Variants in KCNK10 observed in about 807,000 individuals in gnomAD.
The protein encoded by KCNK10 is potassium channel subfamily K member 10.
In KCNK10, 25 loss-of-function variants were observed where a neutral mutation model predicts 47.7. The ratio of observed to expected loss-of-function variants is 0.52; its 90% confidence interval spans 0.38 to 0.73. KCNK10 has a LOEUF of 0.73. KCNK10 is among the 30% of genes least tolerant of loss of function. The pLI, the probability that KCNK10 is intolerant of heterozygous loss-of-function variation, is 0.00. For missense variants in KCNK10, 563 were observed against 714.5 expected (o/e 0.79, Z 2.42); for synonymous variants, 303 against 285.6 (o/e 1.06, Z -0.61).
chr14:88,187,484 G>A (rs889904894), intron 6 of KCNK10, among the ~76,000 whole-genome samples: 1 of 152,096 alleles, frequency 6.6e-6, no homozygotes, highest in Non-Finnish European at 1.5e-5. Flanking sequence ...ACCAAGAGGG[G>A]ATAAGTGAAA....
chr14:88,249,518 C>G (rs72687879), intron 2 of KCNK10, among the ~76,000 whole-genome samples: 3,164 of 152,300 alleles, frequency 0.021, 49 homozygotes, highest in Middle Eastern at 0.051. Flanking sequence ...GACCTGAGTG[C>G]TTCCTTGTCT....
rs535747437 is a variant in KCNK10 at position 88,248,645 on chromosome 14, T to A, written c.403-7825A>T. ...TCGGGAGGTTCAGGTGGGAGGATCG[T>A]TGGAGCCCAGGAAGCAGAGGCTGCA... is the stretch of plus-strand genomic sequence containing the variant. On this transcript the variant is annotated intron_variant, in intron 2 of 6. Coordinates refer to ENST00000319231, the MANE Select transcript of KCNK10 (RefSeq NM_138317.3). Among the ~76,000 whole-genome samples the A allele has an allele frequency of 5.9e-5, 9 of 152,106 alleles. No individual in the cohort carries two copies. In the East Asian group the frequency reaches 1.7e-3, roughly 29 times the overall value.
intron 1 of KCNK10, among the ~76,000 whole-genome samples, chr14:88,315,489 G>T (rs1441338755): frequency 1.3e-5 from 2 of 152,100 alleles, no homozygotes; most frequent in Non-Finnish European, 2.9e-5. Flanking sequence ...CTAATATCAA[G>T]CATCTCTATT....
chr14:88,239,861 AAAAATAAAAT>A (rs147985522), intron 3 of KCNK10, among the ~76,000 whole-genome samples: 55,355 of 144,224 alleles, frequency 0.38, 11,052 homozygotes, highest in African/African-American at 0.49. Context: ...CTCCATCTCA[AAAAATAAAAT>A]AAAATAAAAT....
chr14:88,189,466 G>A (rs1017657345), intron 5 of KCNK10, among the ~76,000 whole-genome samples: 2 of 152,130 alleles, frequency 1.3e-5, no homozygotes, highest in Non-Finnish European at 2.9e-5. Flanking sequence ...TCTCCTGTGG[G>A]CTATCTGGGA....
At chr14:88,215,226 C>T (rs1192747116) in intron 4 of KCNK10, among the ~76,000 whole-genome samples, 53 of 152,100 alleles carry the variant, frequency 3.5e-4, no homozygotes, top group Non-Finnish European at 7.3e-5. Flanking sequence ...AAGAAATACT[C>T]GAGACTGGGT....
chr14:88,268,130 G>C (rs533719547), intron 1 of KCNK10, among the ~76,000 whole-genome samples: 95 of 152,286 alleles, frequency 6.2e-4, no homozygotes, highest in Middle Eastern at 3.4e-3. Context: ...GAAAAGGAAG[G>C]AAAGAAGGAA....
chr14:88,279,871 G>A (rs1349483967), intron 1 of KCNK10, among the ~76,000 whole-genome samples: 2 of 152,152 alleles, frequency 1.3e-5, no homozygotes, highest in African/African-American at 4.8e-5. Context: ...ATATTCTCAT[G>A]ATAACGAATA....
intron 1 of KCNK10, among the ~76,000 whole-genome samples, chr14:88,291,657 G>T (rs1887880371): frequency 6.6e-6 from 1 of 152,130 alleles, no homozygotes; most frequent in South Asian, 2.1e-4. Context: ...CTGAACTCAG[G>T]GCTGCCACAT....
intron 1 of KCNK10, among the ~76,000 whole-genome samples, chr14:88,313,581 A>G (rs969538455): frequency 1.3e-5 from 2 of 152,126 alleles, no homozygotes; most frequent in African/African-American, 4.8e-5. Context: ...CCCTCTCCCC[A>G]ACAACCAGCA....
chr14:88,185,337 T>C lies in KCNK10; in HGVS notation c.*198A>G, dbSNP rs531074189. On this transcript the variant is annotated 3_prime_UTR_variant, in exon 7 of 7. Coordinates refer to ENST00000319231, the MANE Select transcript of KCNK10 (RefSeq NM_138317.3). This position sits in a 1 kb window ranked among gnomAD's most constrained non-coding sequence, Gnocchi z 4.3. ...CTCTTGGTGTGTCCTGCGTTTGCTA[T>C]CTGAAATGAAGTTCTTGTTCTCTGA... 3 of 755,816 alleles carry C rather than the reference T, an allele frequency of 4.0e-6. No homozygotes were observed. Among genetic ancestry groups the C allele is most frequent in the South Asian group, 3.9e-5 (2 of 51,560 alleles). The allele number at this position is 755,816 out of a possible 1,614,324, so 46.8% of individuals were successfully genotyped here. A position where few individuals can be genotyped will look rare whatever the true frequency, so the allele number is the denominator to read the frequency against.
At chr14:88,207,918 A>T (rs959883526) in intron 4 of KCNK10, among the ~76,000 whole-genome samples, 5 of 152,190 alleles carry the variant, frequency 3.3e-5, no homozygotes, top group African/African-American at 1.2e-4. Flanking sequence ...TTGAGCTGAG[A>T]CCAGGAGGAG....
intron 1 of KCNK10, among the ~76,000 whole-genome samples, chr14:88,272,555 G>C (rs74069519): frequency 6.6e-6 from 1 of 152,126 alleles, no homozygotes; most frequent in Non-Finnish European, 1.5e-5. Context: ...TCAGGTCTGC[G>C]TGTCAGGACT....
chr14:88,309,313 T>C (rs1000114025), intron 1 of KCNK10, among the ~76,000 whole-genome samples: 1 of 152,128 alleles, frequency 6.6e-6, no homozygotes, highest in Non-Finnish European at 1.5e-5. Flanking sequence ...GCAAAAAGGC[T>C]CAAGCAGGCA....
At chr14:88,206,178 A>G (rs1306826633) in intron 4 of KCNK10, among the ~76,000 whole-genome samples, 1 of 152,204 alleles carries the variant, frequency 6.6e-6, no homozygotes, top group Non-Finnish European at 1.5e-5. Context: ...TGAAAGTTAC[A>G]TGGGAGCCCC....
At chr14:88,212,130 A>ATATATATATATATATATATATATC (rs1276083938) in intron 4 of KCNK10, among the ~76,000 whole-genome samples, 4 of 66,516 alleles carry the variant, frequency 6.0e-5, no homozygotes, top group African/African-American at 1.4e-4. Context: ...ATATATATAT[A>ATATATATATATATATATATATATC]TCGAGAGAGA....
intron 1 of KCNK10, among the ~76,000 whole-genome samples, chr14:88,301,784 C>G (rs1293561342): frequency 6.6e-6 from 1 of 152,122 alleles, no homozygotes; most frequent in Non-Finnish European, 1.5e-5. Context: ...GAGGTCAGCA[C>G]AGCCAGCACT....
At chr14:88,272,110 A>G (rs1887419824) in intron 1 of KCNK10, among the ~76,000 whole-genome samples, 1 of 152,090 alleles carries the variant, frequency 6.6e-6, no homozygotes, top group African/African-American at 2.4e-5. Flanking sequence ...GGCTCCTAAA[A>G]GACAGTCCCT....
intron 5 of KCNK10, among the ~76,000 whole-genome samples, chr14:88,188,319 C>T (rs962177161): frequency 6.6e-6 from 1 of 152,120 alleles, no homozygotes; most frequent in Non-Finnish European, 1.5e-5. Flanking sequence ...TTACTTCCCT[C>T]GATTCTTGAC....
Sources: gnomAD v4.1 joint callset for allele counts (sites outside exome capture counted in the v4.1 genomes callset) on GRCh38, gnomAD v4.1.1 for gene constraint, Gnocchi (gnomAD v3.1) non-coding constraint, MANE v1.5 for transcripts, NCBI Gene and HGNC (gene_info 2026-07-23, HGNC 2026-07-21) for gene names.